The following PARP11 variants were observed in gnomAD, a reference collection of about 807,000 sequenced individuals.
PARP11 encodes protein mono-ADP-ribosyltransferase PARP11.
In PARP11, 31 loss-of-function variants were observed where a neutral mutation model predicts 42.9. The ratio of observed to expected loss-of-function variants is 0.72; its 90% CI spans 0.54 to 0.98. The LOEUF is 0.98. PARP11 is among the 50% of genes least tolerant of loss of function. The pLI, the probability that PARP11 is intolerant of heterozygous loss-of-function variation, is 0.00. For synonymous variants in PARP11, 137 were observed against 127.3 expected, an observed-to-expected ratio of 1.08 and a Z score of -0.51; for missense variants, 365 against 413.1, an observed-to-expected ratio of 0.88 and a Z score of 1.01.
intron 1 of PARP11, among the ~76,000 whole-genome samples, chr12:3,833,325 C>T (rs537902950): frequency 3.9e-5 from 6 of 152,156 alleles, no homozygotes; most frequent in African/African-American, 1.2e-4. Context: ...GTAGGCCGGG[C>T]GTGGTAGCTC....
At chr12:3,819,476 C>G (rs1416013486) in intron 6 of PARP11, among the ~76,000 whole-genome samples, 1 of 152,066 alleles carries the variant, frequency 6.6e-6, no homozygotes, top group Non-Finnish European at 1.5e-5. Flanking sequence ...CAGTAGATGC[C>G]AGGAGCACCC....
intron 3 of PARP11, among the ~76,000 whole-genome samples, chr12:3,826,503 T>C (rs965917514): frequency 6.6e-6 from 1 of 152,236 alleles, no homozygotes; most frequent in Non-Finnish European, 1.5e-5. Flanking sequence ...GCACGGTCTA[T>C]TCCCCTTCTG....
chr12:3,841,339 C>T, intron 1 of PARP11: 1 of 1,227,158 alleles, frequency 8.1e-7, no homozygotes, highest in Non-Finnish European at 1.2e-6. Context: ...TTACCTGTAC[C>T]CTCTGCACCA....
chr12:3,825,271 T>G lies in PARP11; in HGVS notation c.344+887A>C, dbSNP rs375662067. On this transcript the variant is annotated intron_variant, in intron 4 of 7. Coordinates refer to ENST00000228820, the MANE Select transcript of PARP11 (RefSeq NM_020367.6). ...AATATGTATTGTCTTCTGACATTTA[T>G]ACCTCCTTTTTCAGACTTCTTATGG... Among the ~76,000 whole-genome samples the G allele has an allele frequency of 7.9e-4, 120 of 152,380 alleles. 2 individuals are homozygous for G. Among genetic ancestry groups the G allele is most frequent in the Middle Eastern group, 6.8e-3 (2 of 294 alleles).
At chr12:3,836,678 C>G (rs1947770201) in intron 1 of PARP11, among the ~76,000 whole-genome samples, 1 of 152,142 alleles carries the variant, frequency 6.6e-6, no homozygotes, top group Non-Finnish European at 1.5e-5. Flanking sequence ...GCTCCCTGCC[C>G]CCACAGAAAA....
At chr12:3,867,745 A>G (rs1009309029) in intron 1 of PARP11, among the ~76,000 whole-genome samples, 2 of 152,198 alleles carry the variant, frequency 1.3e-5, no homozygotes, top group African/African-American at 2.4e-5. Flanking sequence ...AAAACAAAAC[A>G]TGGGAAAATA....
intron 1 of PARP11, among the ~76,000 whole-genome samples, chr12:3,838,838 G>A (rs1355589162): frequency 4.6e-5 from 7 of 152,160 alleles, no homozygotes; most frequent in Admixed American, 4.6e-4. Flanking sequence ...CTCGGCTCCC[G>A]GCGTGGGGAG....
At chr12:3,841,941 C>T in intron 1 of PARP11, 1 of 1,608,318 alleles carries the variant, frequency 6.2e-7, no homozygotes, top group Non-Finnish European at 8.5e-7. Flanking sequence ...TACATTCTCT[C>T]CCTGAAGCAA....
chr12:3,848,398 C>T (rs1444890555), intron 1 of PARP11, among the ~76,000 whole-genome samples: 1 of 152,102 alleles, frequency 6.6e-6, no homozygotes, highest in African/African-American at 2.4e-5. Context: ...CATTACCTGA[C>T]TTCAAAATAT....
At chr12:3,835,837 G>C (rs1441482521) in intron 1 of PARP11, among the ~76,000 whole-genome samples, 1 of 152,002 alleles carries the variant, frequency 6.6e-6, no homozygotes, top group Non-Finnish European at 1.5e-5. Flanking sequence ...TTATGTAACA[G>C]ATGAAATGCA....
chr12:3,850,032 C>T (rs894194930), intron 1 of PARP11, among the ~76,000 whole-genome samples: 1 of 151,792 alleles, frequency 6.6e-6, no homozygotes, highest in Non-Finnish European at 1.5e-5. Flanking sequence ...ATATACAGAA[C>T]TGTTAAATAT....
At chr12:3,844,183 TGTAAC>T (rs1947952552) in intron 1 of PARP11, among the ~76,000 whole-genome samples, 1 of 152,174 alleles carries the variant, frequency 6.6e-6, no homozygotes, top group South Asian at 2.1e-4. Context: ...ATTTAGATAA[TGTAAC>T]AGGATTTTAG....
In PARP11 at chr12:3,872,893, T is replaced by C. The variant is rs1360827183; in HGVS notation, c.18+319A>G. On this transcript the variant is annotated intron_variant, in intron 1 of 7. Coordinates refer to ENST00000228820, the MANE Select transcript of PARP11 (RefSeq NM_020367.6). ...GTGGGCCGAGATCACGCCACTGCAC[T>C]CCAGCCTGGACAACAGTGCGAGACT... 3 of 623,974 alleles carry C rather than the reference T, an allele frequency of 4.8e-6. No homozygotes were observed. The East Asian group carries it at 4.2e-4, about 88-fold the overall frequency. The allele number at this position is 623,974 out of a possible 1,614,324, so 38.7% of individuals were successfully genotyped here.
chr12:3,821,952 A>T lies in PARP11; in HGVS notation c.469T>A (p.Phe157Ile), dbSNP rs373508149. The T allele has an allele frequency of 8.7e-6, 14 of 1,610,014 alleles. No individual in the cohort carries two copies. The highest frequency in any genetic ancestry group is 1.2e-5 in the Non-Finnish European group (14 of 1,178,798). Residue 157 changes from phenylalanine (F) to isoleucine (I), a missense_variant, in exon 6 of 8, where the codon TTT becomes ATT. Transcript: ENST00000228820. ...THEYNEVANL[F>I]GKTMDRNRIK... The stretch of plus-strand genomic sequence containing the variant: ...CGGTTGCGATCCATCGTCTTCCCAA[A>T]GAGATTAGCAACTTCATTATATTCA...
rs866777265 is a variant in PARP11 at position 3,828,938 on chromosome 12, G to C, written c.240C>G (p.Ser80=). Residue 80 remains serine (S), a synonymous_variant, in exon 3 of 8, where the codon TCC becomes TCG. Coordinates refer to ENST00000228820, the MANE Select transcript of PARP11 (RefSeq NM_020367.6). Reference sequence around the variant, plus strand: ...CAAAGTCTATCTTGTAGCTGAATTTGGAAGTAGTAAAAGAAATGGAGCCAC... The same window carrying C: ...CAAAGTCTATCTTGTAGCTGAATTTCGAAGTAGTAAAAGAAATGGAGCCAC... The part of the protein sequence containing the change: ...NPCGSISFTT[S]KFSYKIDFAE... 8.1e-6 allele frequency: 13 copies of C among 1,613,950 alleles called. No individual in the cohort carries two copies. The highest frequency in any genetic ancestry group is 1.1e-5 in the Non-Finnish European group (13 of 1,179,874).
intron 3 of PARP11, among the ~76,000 whole-genome samples, chr12:3,827,892 A>G (rs1340663379): frequency 6.6e-6 from 1 of 152,210 alleles, no homozygotes; most frequent in Non-Finnish European, 1.5e-5. Flanking sequence ...CAAGCTGTGT[A>G]GCAAACAAAA....
intron 1 of PARP11, chr12:3,839,975 C>T: frequency 2.0e-6 from 3 of 1,470,466 alleles, no homozygotes; most frequent in African/African-American, 2.8e-5. Flanking sequence ...GGATTTAAAC[C>T]TTTGTCAGGC....
rs1565541421 is a variant in PARP11 at position 3,839,150 on chromosome 12, C to T, written c.19-9132G>A. On this transcript the variant is annotated intron_variant, in intron 1 of 7. Transcript: ENST00000228820. ...GCCCGGAGAGCGCGGACCGCTGCCT[C>T]GGGCCGCCGCCGCCGCCTGCCGCCT... Among the ~76,000 whole-genome samples, 3 of 149,456 alleles carry T rather than the reference C, an allele frequency of 2.0e-5. No individual in the cohort carries two copies. In the South Asian group the frequency reaches 6.2e-4, roughly 31 times the overall value.
chr12:3,872,604 T>A, intron 1 of PARP11: 1 of 984,984 alleles, frequency 1.0e-6, no homozygotes, highest in Non-Finnish European at 1.2e-6. Context: ...ATACAGTCCA[T>A]ACTCCAAGTT....
Sources: allele counts gnomAD v4.1 joint callset (sites outside exome capture counted in the v4.1 genomes callset), GRCh38; gene constraint gnomAD v4.1.1; transcripts MANE v1.5; gene names NCBI Gene and HGNC (gene_info 2026-07-23, HGNC 2026-07-21).